Variants in FTO observed in about 807,000 individuals in gnomAD.
FTO encodes alpha-ketoglutarate-dependent dioxygenase FTO.
Under a neutral mutation model 63.9 loss-of-function variants are expected in FTO, and 47 were observed. That is an observed-to-expected ratio of 0.74 (90% CI 0.58 to 0.94). The LOEUF is 0.94. Ranked by LOEUF, FTO falls within the 40% of genes least tolerant of loss-of-function variation. The probability of loss-of-function intolerance (pLI) is 0.00; values close to 1 mark genes in which losing one functional copy is unlikely to be tolerated. For synonymous variants in FTO, 207 were observed against 224.4 expected, an observed-to-expected ratio of 0.92 and a Z score of 0.69; for missense variants, 562 against 618.1, an observed-to-expected ratio of 0.91 and a Z score of 0.96.
At chr16:53,860,416 T>G (rs975308051) in intron 4 of FTO, among the ~76,000 whole-genome samples, 4 of 152,238 alleles carry the variant, frequency 2.6e-5, no homozygotes, top group Admixed American at 6.5e-5. Context: ...TGTATTAGTC[T>G]GTCACATTGC....
At chr16:54,084,110 T>C (rs1223483817) in intron 8 of FTO, among the ~76,000 whole-genome samples, 2 of 152,208 alleles carry the variant, frequency 1.3e-5, no homozygotes, top group African/African-American at 2.4e-5. Flanking sequence ...TCTGAAAAAG[T>C]CTGAAGTCTG....
intron 1 of FTO, among the ~76,000 whole-genome samples, chr16:53,739,415 CG>C (rs1236015774): frequency 6.6e-6 from 1 of 150,532 alleles, no homozygotes. Context: ...GGGGTTTTAC[CG>C]TGTTAGCCAG....
chr16:54,089,852 G>C (rs1241942865), intron 8 of FTO, among the ~76,000 whole-genome samples: 2 of 149,158 alleles, frequency 1.3e-5, no homozygotes, highest in Admixed American at 1.3e-4. Context: ...ACACCTACTG[G>C]GATGGCAATT....
At chr16:54,090,132 C>CA (rs2086350526) in intron 8 of FTO, among the ~76,000 whole-genome samples, 1 of 152,168 alleles carries the variant, frequency 6.6e-6, no homozygotes, top group African/African-American at 2.4e-5. Flanking sequence ...AAACAACCCA[C>CA]ATATCCATCA....
intron 1 of FTO, among the ~76,000 whole-genome samples, chr16:53,807,413 T>C (rs1158958251): frequency 1.3e-5 from 2 of 152,232 alleles, no homozygotes; most frequent in Non-Finnish European, 2.9e-5. Flanking sequence ...AGTTCCGAAA[T>C]GAACTGAGAA....
intron 1 of FTO, among the ~76,000 whole-genome samples, chr16:53,778,432 G>A (rs992048153): frequency 2.0e-5 from 3 of 152,054 alleles, no homozygotes; most frequent in African/African-American, 2.4e-5. Flanking sequence ...GTTTGGTACC[G>A]CTGGCTTGAT....
chr16:53,887,443 G>T (rs1363190435), intron 6 of FTO, among the ~76,000 whole-genome samples: 2 of 152,114 alleles, frequency 1.3e-5, no homozygotes, highest in African/African-American at 4.8e-5. Flanking sequence ...GACCACATGG[G>T]CTGTTTGGGG....
chr16:53,909,910 C>T (rs1465042801), intron 7 of FTO, among the ~76,000 whole-genome samples: 1 of 151,978 alleles, frequency 6.6e-6, no homozygotes. Context: ...CAGGATCTTG[C>T]TCTGTCATTT....
intron 8 of FTO, among the ~76,000 whole-genome samples, chr16:53,940,493 A>G (rs2082502834): frequency 6.6e-6 from 1 of 152,096 alleles, no homozygotes; most frequent in Non-Finnish European, 1.5e-5. Flanking sequence ...ATTTTTTTCT[A>G]GAGATTACCT....
chr16:53,774,137 A>C (rs1422561653), intron 1 of FTO, among the ~76,000 whole-genome samples: 1 of 152,138 alleles, frequency 6.6e-6, no homozygotes, highest in Non-Finnish European at 1.5e-5. Flanking sequence ...AACAGGATAA[A>C]ATAGGTTTAA....
chr16:54,117,585 G>A lies in FTO; in HGVS notation c.*5670G>A, dbSNP rs2086981915. 2.6e-5 allele frequency: 4 copies of A among 152,198 alleles called. No homozygotes were observed. Among genetic ancestry groups the A allele is most frequent in the Admixed American group, 2.6e-4 (4 of 15,282 alleles). 9.4% of individuals were successfully genotyped at this position (152,198 alleles called of 1,614,324 possible). A position where few individuals can be genotyped will look rare whatever the true frequency, so the allele number is the denominator to read the frequency against. On this transcript the variant is annotated 3_prime_UTR_variant, in exon 9 of 9. Coordinates refer to ENST00000471389, the MANE Select transcript of FTO (RefSeq NM_001080432.3). The stretch of plus-strand genomic sequence containing the variant: ...AAGGGACTAAAGATAGCTGTGGCTT[G>A]TTCAAGAAGAATATTGTGTCACTAT...
chr16:53,957,028 T>C (rs1437969666), intron 8 of FTO, among the ~76,000 whole-genome samples: 1 of 152,180 alleles, frequency 6.6e-6, no homozygotes, highest in African/African-American at 2.4e-5. Flanking sequence ...TGTAGATGTT[T>C]GCTTCAGGGA....
At chr16:53,831,042 A>G (rs2079129712) in intron 3 of FTO, among the ~76,000 whole-genome samples, 1 of 152,144 alleles carries the variant, frequency 6.6e-6, no homozygotes, top group African/African-American at 2.4e-5. Flanking sequence ...ATTTCCATTC[A>G]TGTCTTTGAT....
At chr16:53,750,871 G>A (rs147746552) in intron 1 of FTO, among the ~76,000 whole-genome samples, 43 of 152,318 alleles carry the variant, frequency 2.8e-4, no homozygotes, top group African/African-American at 1.0e-3. Context: ...TGGGCAATAT[G>A]GAAGACAGTT....
chr16:53,817,216 T>C (rs1275650584), intron 2 of FTO, among the ~76,000 whole-genome samples: 2 of 152,158 alleles, frequency 1.3e-5, no homozygotes, highest in African/African-American at 4.8e-5. Context: ...TGAACGAGGA[T>C]CTCTGTGTCA....
intron 7 of FTO, among the ~76,000 whole-genome samples, chr16:53,919,803 G>C (rs2081966419): frequency 6.6e-6 from 1 of 152,138 alleles, no homozygotes; most frequent in Admixed American, 6.5e-5. Context: ...AAAGGCATAA[G>C]AATGATACAA....
intron 4 of FTO, among the ~76,000 whole-genome samples, chr16:53,864,753 A>G (rs2080262069): frequency 6.6e-6 from 1 of 152,202 alleles, no homozygotes; most frequent in Non-Finnish European, 1.5e-5. Flanking sequence ...AATCTTTTAA[A>G]GCTGGGAGGG....
intron 1 of FTO, among the ~76,000 whole-genome samples, chr16:53,775,258 A>C (rs2077434294): frequency 6.6e-6 from 1 of 152,138 alleles, no homozygotes; most frequent in African/African-American, 2.4e-5. Context: ...GTGGGCCCTC[A>C]GTAGATGTGT....
At chr16:53,721,740 ACT>A (rs1217427421) in intron 1 of FTO, among the ~76,000 whole-genome samples, 2 of 152,040 alleles carry the variant, frequency 1.3e-5, no homozygotes, top group African/African-American at 4.8e-5. Context: ...GGTATTTCAT[ACT>A]CTCTTTTCGA....
Sources: allele counts gnomAD v4.1 joint callset (sites outside exome capture counted in the v4.1 genomes callset), GRCh38; gene constraint gnomAD v4.1.1; transcripts MANE v1.5; gene names NCBI Gene and HGNC (gene_info 2026-07-23, HGNC 2026-07-21).